ACOX3: variants seen among roughly 807,000 people sequenced by gnomAD.
ACOX3 encodes acyl-CoA oxidase 3, pristanoyl.
ACOX3 carries 73 observed loss-of-function variants against 81.5 expected under a neutral mutation model. That is an observed-to-expected ratio of 0.90 (90% CI 0.74 to 1.09). The LOEUF (loss-of-function observed/expected upper bound fraction) is 1.09. Ranked by LOEUF, ACOX3 falls within the 50% of genes least tolerant of loss-of-function variation. ACOX3 has a pLI of 0.00. For synonymous variants in ACOX3, 387 were observed against 375.1 expected (o/e 1.03, Z -0.37); for missense variants, 947 against 928.0 (o/e 1.02, Z -0.27).
In ACOX3 at chr4:8,370,752, C is replaced by T. The variant is rs1036776669; in HGVS notation, c.1983+156G>A. 3.9e-5 allele frequency among the ~76,000 whole-genome samples: 6 copies of T among 152,158 alleles called. No homozygotes were observed. The highest frequency in any genetic ancestry group is 5.9e-5 in the Non-Finnish European group (4 of 68,018). On this transcript the variant is annotated intron_variant, in intron 17 of 17. Transcript: ENST00000356406. This position sits in a 1 kb window ranked among gnomAD's most constrained non-coding sequence, Gnocchi z 6.3. ...AGCATGGGGAAGCACCAGAGTGAGA[C>T]AGTCCTGACTTGTCCCGGGCCCTCC...
chr4:8,392,338 A>G lies in ACOX3; in HGVS notation c.1295T>C (p.Leu432Pro), dbSNP rs1248585148. Residue 432 changes from leucine (L) to proline (P), a missense_variant, in exon 11 of 18, where the codon CTG (leucine) becomes CCG (proline). Coordinates refer to ENST00000356406, the MANE Select transcript of ACOX3 (RefSeq NM_003501.3). Reference protein sequence around the residue: ...CREACGGHGYLAMNRLGVLRD... With the variant: ...CREACGGHGYPAMNRLGVLRD... ...TGCGCTTCTCCAAAACCTACTGGCC[A>G]GATAGCCGTGTCCTCCACACGCCTC... The G allele has an allele frequency of 6.3e-7, 1 of 1,578,918 alleles. No individual in the cohort carries two copies.
rs1720110689 is a variant in ACOX3 at position 8,399,497 on chromosome 4, G to A, written c.873+59C>T. 4.9e-6 allele frequency: 7 copies of A among 1,426,470 alleles called. No individual in the cohort carries two copies. The Admixed American group carries it at 5.1e-5, about 10-fold the overall frequency. 88.4% of individuals were successfully genotyped at this position (1,426,470 alleles called of 1,614,324 possible). On this transcript the variant is annotated intron_variant, in intron 8 of 17. Coordinates refer to ENST00000356406, the MANE Select transcript of ACOX3 (RefSeq NM_003501.3). The surrounding 1 kb of genome is among the most constrained non-coding windows in gnomAD (Gnocchi z 4.9). ...GGTGCAGGGAGGAGCACAGAGCCAG[G>A]CCCTGCAGAGGAAGGCACCTGGGAA... is the stretch of plus-strand genomic sequence containing the variant.
chr4:8,391,765 A>G (rs1030402708), intron 11 of ACOX3, among the ~76,000 whole-genome samples: 2 of 152,222 alleles, frequency 1.3e-5, no homozygotes, highest in Admixed American at 6.5e-5. Flanking sequence ...GCCCACAGTT[A>G]CCAGGCTGTT....
At chr4:8,375,257 T>A in intron 14 of ACOX3, 105 bp from the exon 15 acceptor site, 2 of 1,147,448 alleles carry the variant, frequency 1.7e-6, no homozygotes, top group Non-Finnish European at 2.4e-6. Context: ...TGCGTTCCCG[T>A]GCATGTCCTA....
At chr4:8,409,552 G>T (rs1052482873) in intron 6 of ACOX3, among the ~76,000 whole-genome samples, 1 of 151,238 alleles carries the variant, frequency 6.6e-6, no homozygotes, top group Admixed American at 6.6e-5. Context: ...TGTGGGGAGG[G>T]CTGTGGGATA....
At chr4:8,391,197 G>A (rs1032979074) in intron 11 of ACOX3, among the ~76,000 whole-genome samples, 1 of 152,182 alleles carries the variant, frequency 6.6e-6, no homozygotes, top group Admixed American at 6.5e-5. Context: ...ATTGCGCAGA[G>A]GACAAAGCAT....
intron 1 of ACOX3, among the ~76,000 whole-genome samples, chr4:8,427,375 C>T (rs1282871791): frequency 1.3e-5 from 2 of 152,166 alleles, no homozygotes; most frequent in Admixed American, 6.5e-5. Context: ...ATGTTTGTTC[C>T]GGTTTGAGCT....
rs189601424 is a variant in ACOX3 at position 8,381,065 on chromosome 4, C to T, written c.1653+427G>A. On this transcript the variant is annotated intron_variant, in intron 14 of 17. Coordinates refer to ENST00000356406, the MANE Select transcript of ACOX3 (RefSeq NM_003501.3). This position sits in a 1 kb window ranked among gnomAD's most constrained non-coding sequence, Gnocchi z 4.3. ...GCGCTTTCCAAGGCCAACGATGACC[C>T]ACTCACCATTGCCACCCCAGCCCCT... Among the ~76,000 whole-genome samples, 220 of 152,328 alleles carry T rather than the reference C, an allele frequency of 1.4e-3. No individual in the cohort carries two copies. Among genetic ancestry groups the T allele is most frequent in the Non-Finnish European group, 2.3e-3 (157 of 68,022 alleles).
rs116698619 is a variant in ACOX3 at position 8,370,958 on chromosome 4, C to T, written c.1933G>A (p.Ala645Thr). ...DDAVALVDVI[A>T]PPDFVLDSPI... is the part of the protein sequence containing the mutation. Reference sequence around the variant, plus strand: ...GAGTCCAGAACAAAGTCAGGAGGAGCGATCACGTCTACCAGGGCAACTGCA... The same window carrying T: ...GAGTCCAGAACAAAGTCAGGAGGAGTGATCACGTCTACCAGGGCAACTGCA... The change falls in exon 17 of 18, where the codon GCT becomes ACT. Residue 645 changes from alanine (A) to threonine (T), a missense_variant. By Grantham distance (58) the Ala-to-Thr change is moderately conservative (BLOSUM62 0). Transcript: ENST00000356406. The surrounding 1 kb of genome is among the most constrained non-coding windows in gnomAD (Gnocchi z 6.3). 29 of 1,614,070 alleles carry T rather than the reference C, an allele frequency of 1.8e-5. No homozygotes were observed. In the South Asian group the frequency reaches 2.2e-4, roughly 12 times the overall value.
chr4:8,394,172 G>A lies in ACOX3; in HGVS notation c.1179+448C>T, dbSNP rs548168100. ...ATCATCTACAAAGAAATCCGTTCCC[G>A]ATGTCTCTTTATGCCGAGGCTGATC... On this transcript the variant is annotated intron_variant, in intron 10 of 17. Transcript: ENST00000356406. This position sits in a 1 kb window ranked among gnomAD's most constrained non-coding sequence, Gnocchi z 5.9. Among the ~76,000 whole-genome samples, 9 of 152,288 alleles carry A rather than the reference G, an allele frequency of 5.9e-5. No homozygotes were observed. In the East Asian group the frequency reaches 1.4e-3, roughly 23 times the overall value.
intron 14 of ACOX3, among the ~76,000 whole-genome samples, chr4:8,380,569 G>T (rs141657700): frequency 6.6e-6 from 1 of 152,154 alleles, no homozygotes; most frequent in Non-Finnish European, 1.5e-5. Flanking sequence ...TGTCTAGCAG[G>T]TTCCTAGAGG....
rs1166051468 is a variant in ACOX3 at position 8,432,303 on chromosome 4, G to A, written c.-15+8345C>T. Reference sequence around the variant, plus strand: ...GACTGGAGTGCAGTGGTGCCATCTCGGCTCACTGCAAGCTCTGCCTCCCGG... The same window carrying A: ...GACTGGAGTGCAGTGGTGCCATCTCAGCTCACTGCAAGCTCTGCCTCCCGG... On this transcript the variant is annotated intron_variant, in intron 1 of 17. Transcript: ENST00000356406. The surrounding 1 kb of genome is among the most constrained non-coding windows in gnomAD (Gnocchi z 6.2). 6.6e-6 allele frequency among the ~76,000 whole-genome samples: 1 copy of A among 151,842 alleles called. No individual in the cohort carries two copies. Among genetic ancestry groups the A allele is most frequent in the Non-Finnish European group, 1.5e-5 (1 of 67,994 alleles).
chr4:8,408,903 G>T (rs1578951992), intron 6 of ACOX3, among the ~76,000 whole-genome samples: 98 of 37,184 alleles, frequency 2.6e-3, no homozygotes, highest in East Asian at 5.4e-3. Flanking sequence ...GGGGGGGGGG[G>T]TGGGGGGGGG....
downstream of ACOX3, among the ~76,000 whole-genome samples, chr4:8,363,151 T>C (rs577769360): frequency 1.3e-5 from 2 of 152,330 alleles, no homozygotes; most frequent in African/African-American, 2.4e-5. Flanking sequence ...GGATGGATAA[T>C]GTAAACATCT....
chr4:8,400,726 C>T lies in ACOX3; in HGVS notation c.777-1074G>A, dbSNP rs534245214. 1.2e-4 allele frequency among the ~76,000 whole-genome samples: 18 copies of T among 152,294 alleles called. No homozygotes were observed. The highest frequency in any genetic ancestry group is 1.0e-3 in the Admixed American group (16 of 15,298). On this transcript the variant is annotated intron_variant, in intron 7 of 17. Transcript: ENST00000356406. The surrounding 1 kb of genome is among the most constrained non-coding windows in gnomAD (Gnocchi z 4.4). The stretch of plus-strand genomic sequence containing the variant: ...ATCAATAGTTCCTATAGCAACTTGT[C>T]TGATTCCTAAGTTCACTTGCAATGC...
intron 17 of ACOX3, among the ~76,000 whole-genome samples, chr4:8,369,199 C>T (rs1019196743): frequency 6.6e-6 from 1 of 152,166 alleles, no homozygotes; most frequent in Non-Finnish European, 1.5e-5. Context: ...CAGACAGTCC[C>T]GTGTGCTTGG....
At chr4:8,396,108 G>C (rs1719661359) in intron 9 of ACOX3, among the ~76,000 whole-genome samples, 1 of 152,228 alleles carries the variant, frequency 6.6e-6, no homozygotes, top group Non-Finnish European at 1.5e-5. Flanking sequence ...TGCCTGGGCT[G>C]CATCTGTGCA....
chr4:8,390,346 A>T (rs574894549), intron 11 of ACOX3, among the ~76,000 whole-genome samples: 32 of 152,114 alleles, frequency 2.1e-4, no homozygotes, highest in Admixed American at 1.5e-3. Context: ...TCTGACCAAA[A>T]AAAAAAAAGC....
At chr4:8,421,533 G>A (rs886891429) in intron 1 of ACOX3, among the ~76,000 whole-genome samples, 14 of 152,152 alleles carry the variant, frequency 9.2e-5, no homozygotes, top group African/African-American at 3.1e-4. Flanking sequence ...CATACCTCCT[G>A]GGTCCTAACC....
Sources: allele counts gnomAD v4.1 joint callset (sites outside exome capture counted in the v4.1 genomes callset), GRCh38; gene constraint gnomAD v4.1.1; non-coding constraint Gnocchi (gnomAD v3.1); transcripts MANE v1.5; gene names NCBI Gene and HGNC (gene_info 2026-07-23, HGNC 2026-07-21).